Variants in GPHN observed in about 807,000 individuals in gnomAD.
The protein encoded by GPHN is gephyrin.
GPHN carries 17 observed loss-of-function variants against 95.5 expected under a neutral mutation model. The observed-to-expected ratio is 0.18, with a 90% CI of 0.12 to 0.27. GPHN has a LOEUF of 0.27. GPHN is among the 10% of genes least tolerant of loss of function. GPHN has a pLI of 1.00. For synonymous variants in GPHN, 320 were observed against 322.5 expected, an observed-to-expected ratio of 0.99 and a Z score of 0.08; for missense variants, 660 against 978.1, an observed-to-expected ratio of 0.67 and a Z score of 4.34.
chr14:67,734,640 G>T, the GPHN span, among the ~76,000 whole-genome samples: 1 of 152,210 alleles, frequency 6.6e-6, no homozygotes, highest in Non-Finnish European at 1.5e-5. Context: ...AGAGTGTGTA[G>T]CTGCTGGGAG....
At chr14:66,889,400 A>G (rs1483708418) in intron 5 of GPHN, among the ~76,000 whole-genome samples, 1 of 152,178 alleles carries the variant, frequency 6.6e-6, no homozygotes, top group Non-Finnish European at 1.5e-5. Context: ...GTATATTGCA[A>G]AATAGTATAT....
At chr14:66,723,288 T>G (rs547353901) in intron 2 of GPHN, among the ~76,000 whole-genome samples, 1 of 94,368 alleles carries the variant, frequency 1.1e-5, no homozygotes, top group African/African-American at 1.7e-4. Flanking sequence ...GTTTATAACT[T>G]TATAAATATA....
intron 1 of GPHN, among the ~76,000 whole-genome samples, chr14:66,572,578 G>T (rs1469215973): frequency 6.6e-6 from 1 of 151,644 alleles, no homozygotes; most frequent in Non-Finnish European, 1.5e-5. Flanking sequence ...TGTTGTTAGT[G>T]TATAGAAATG....
At chr14:67,227,739 A>T in the GPHN span, 1 of 152,216 alleles carries the variant, frequency 6.6e-6, no homozygotes, top group Non-Finnish European at 1.5e-5. Context: ...TAGCAGGTAT[A>T]GAATTTTAAT....
At chr14:67,522,436 T>C in the GPHN span, among the ~76,000 whole-genome samples, 1 of 152,164 alleles carries the variant, frequency 6.6e-6, no homozygotes, top group African/African-American at 2.4e-5. Flanking sequence ...CAAAGGAGTA[T>C]TGTTGAGGCG....
the GPHN span, chr14:67,317,526 C>A: frequency 7.6e-7 from 1 of 1,320,850 alleles, no homozygotes; most frequent in South Asian, 1.3e-5. Context: ...TGAAAGGAGT[C>A]TAAACCTAGT....
chr14:67,146,500 C>T (rs1261503075), intron 18 of GPHN, among the ~76,000 whole-genome samples: 2 of 152,034 alleles, frequency 1.3e-5, no homozygotes, highest in African/African-American at 4.8e-5. Context: ...GGCAATAATC[C>T]AGAAGGATGC....
At chr14:67,221,151 A>G in the GPHN span, among the ~76,000 whole-genome samples, 5 of 152,374 alleles carry the variant, frequency 3.3e-5, 1 homozygote, top group South Asian at 1.0e-3. Context: ...TTCTTTATCC[A>G]AAGACATTTC....
At chr14:67,184,816 G>T (rs990911648), downstream of GPHN, among the ~76,000 whole-genome samples, 2 of 152,170 alleles carry the variant, frequency 1.3e-5, no homozygotes, top group Non-Finnish European at 2.9e-5. Flanking sequence ...GGATGGAAAA[G>T]ATTATCAAGA....
chr14:67,633,067 G>A, the GPHN span, among the ~76,000 whole-genome samples: 2 of 151,890 alleles, frequency 1.3e-5, no homozygotes, highest in African/African-American at 2.4e-5. Context: ...TGATCCGCCC[G>A]CCTCGGCCTC....
chr14:66,716,342 C>T (rs1175509850), intron 2 of GPHN, among the ~76,000 whole-genome samples: 1 of 152,086 alleles, frequency 6.6e-6, no homozygotes, highest in African/African-American at 2.4e-5. Context: ...TTTTGGTGTG[C>T]ATTTGCATGA....
the GPHN span, chr14:67,577,451 A>G: frequency 1.6e-6 from 2 of 1,254,114 alleles, no homozygotes; most frequent in African/African-American, 1.5e-5. Context: ...CCGCTGGGAT[A>G]CTTGCAATAC....
chr14:67,529,607 C>T, the GPHN span, among the ~76,000 whole-genome samples: 482 of 152,300 alleles, frequency 3.2e-3, 1 homozygote, highest in African/African-American at 0.011. Flanking sequence ...CATTTCCTTT[C>T]CTTCCTAACT....
chr14:67,659,661 C>T, the GPHN span: 7 of 1,458,226 alleles, frequency 4.8e-6, no homozygotes, highest in Non-Finnish European at 6.4e-6. Context: ...AATACCCCAA[C>T]AATATAGTTA....
the GPHN span, chr14:67,616,216 CT>C: frequency 0.015 from 2,688 of 173,502 alleles, 1 homozygote; most frequent in South Asian, 0.036. Flanking sequence ...TGTACACTGT[CT>C]TTTTTTTTTT....
chr14:66,857,015 T>G (rs2062832685), intron 4 of GPHN, among the ~76,000 whole-genome samples: 1 of 152,040 alleles, frequency 6.6e-6, no homozygotes, highest in Admixed American at 6.6e-5. Context: ...GCTGAAACAC[T>G]GGATAAATTC....
At chr14:67,520,828 C>T in the GPHN span, among the ~76,000 whole-genome samples, 1 of 152,214 alleles carries the variant, frequency 6.6e-6, no homozygotes, top group Non-Finnish European at 1.5e-5. Flanking sequence ...TGGGCAAATA[C>T]CAAGGAGCAC....
At chr14:67,249,195 C>T in the GPHN span, among the ~76,000 whole-genome samples, 2 of 152,128 alleles carry the variant, frequency 1.3e-5, no homozygotes, top group South Asian at 2.1e-4. Context: ...CTCCTGACCT[C>T]AGGTGATTTG....
At chr14:66,914,770 A>G (rs1336927983) in intron 5 of GPHN, among the ~76,000 whole-genome samples, 2 of 152,060 alleles carry the variant, frequency 1.3e-5, no homozygotes, top group African/African-American at 2.4e-5. Flanking sequence ...TGATATTATA[A>G]TCAATTAGCT....
Sources: gnomAD v4.1 joint callset for allele counts (sites outside exome capture counted in the v4.1 genomes callset) on GRCh38, gnomAD v4.1.1 for gene constraint, MANE v1.5 for transcripts, NCBI Gene and HGNC (gene_info 2026-07-23, HGNC 2026-07-21) for gene names.